Variants in NPHS1 observed in about 807,000 individuals in gnomAD.
NPHS1 encodes nephrin.
Under a neutral mutation model 139.7 loss-of-function variants are expected in NPHS1, and 107 were observed. That is an observed-to-expected ratio of 0.77 (90% CI 0.66 to 0.90). The LOEUF is 0.90. Ranked by LOEUF, NPHS1 falls within the 40% of genes least tolerant of loss-of-function variation. The pLI, the probability that NPHS1 is intolerant of heterozygous loss-of-function variation, is 0.00. For synonymous variants in NPHS1, 707 were observed against 706.6 expected (o/e 1.00, Z -0.01); for missense variants, 1,580 against 1,654.2 (o/e 0.96, Z 0.78).
rs1364227990 is a variant in NPHS1 at position 35,845,992 on chromosome 19, C to T, written c.1627+16G>A. The T allele has an allele frequency of 6.4e-7, 1 of 1,562,462 alleles. No individual in the cohort carries two copies. The highest frequency in any genetic ancestry group is 8.7e-7 in the Non-Finnish European group (1 of 1,153,348). Reference sequence around the variant, plus strand: ...CTCCCGCCCCGCCCCCGGGCCTCAGCAGTGCGAGCCCTCACACTGCACCGC... The same window carrying T: ...CTCCCGCCCCGCCCCCGGGCCTCAGTAGTGCGAGCCCTCACACTGCACCGC... On this transcript the variant is annotated intron_variant, in intron 12 of 28. Transcript: ENST00000378910. The surrounding 1 kb of genome is among the most constrained non-coding windows in gnomAD (Gnocchi z 5.5).
In NPHS1 at chr19:35,845,427, CG is replaced by C; in HGVS notation, c.1870del (p.Arg624AlafsTer11). 6.2e-7 allele frequency: 1 copy of C among 1,614,214 alleles called. No homozygotes were observed. Among genetic ancestry groups the C allele is most frequent in the Non-Finnish European group, 8.5e-7 (1 of 1,180,036 alleles). On this transcript the variant is annotated frameshift_variant, in exon 14 of 29. Coordinates refer to ENST00000378910, the MANE Select transcript of NPHS1 (RefSeq NM_004646.4). LOFTEE classifies it high-confidence loss of function. This position sits in a 1 kb window ranked among gnomAD's most constrained non-coding sequence, Gnocchi z 5.5. ...SRDHGQRVTC[R>X]AHSAELRETV... ...TTCGCGGAGCTCGGCGCTGTGGGCG[CG>C]GCAGGTCACGCGCTGGCCATGATCG...
Position 35,851,581 on chromosome 19 carries a change from C to G in NPHS1, c.150G>C (p.Glu50Asp), listed in dbSNP as rs760073893. 3.1e-6 allele frequency: 5 copies of G among 1,614,018 alleles called. No individual in the cohort carries two copies. In the East Asian group the frequency reaches 1.1e-4, roughly 36 times the overall value. The change falls in exon 2 of 29, where the codon GAG becomes GAC. Residue 50 changes from glutamate (E) to aspartate (D), a missense_variant. By Grantham distance (45) the Glu-to-Asp change is conservative (BLOSUM62 2). Coordinates refer to ENST00000378910, the MANE Select transcript of NPHS1 (RefSeq NM_004646.4). ...CAGGGGTGCTGACCCCACAACGCAG[C>G]TCCACTGAGGCCCCCTCCACCACCG... ...NLTVVEGASVELRCGVSTPGS... is the reference protein window; with the variant it reads ...NLTVVEGASVDLRCGVSTPGS...
Position 35,849,143 on chromosome 19 carries a change from C to T in NPHS1, c.845G>A (p.Gly282Asp). ...GCCCCACGCTGTGGACACCGGCTGG[C>T]CATTCTGGAGACAGGGACAGGCCTG... ...PLATLQWLKN[G>D]QPVSTAWGTE... The change falls in exon 8 of 29, where the codon GGC (glycine) becomes GAC (aspartate). Residue 282 changes from glycine to aspartate, a missense_variant. Coordinates refer to ENST00000378910, the MANE Select transcript of NPHS1 (RefSeq NM_004646.4). 1 of 1,610,528 alleles carries T rather than the reference C, an allele frequency of 6.2e-7. No homozygotes were observed. Among genetic ancestry groups the T allele is most frequent in the Non-Finnish European group, 8.5e-7 (1 of 1,180,016 alleles).
At position 35,848,334 on chromosome 19, in the gene NPHS1, C is replaced by A. The variant is rs142008044; in HGVS notation, c.1234G>T (p.Gly412Cys). The A allele has an allele frequency of 6.2e-7, 1 of 1,614,056 alleles. No homozygotes were observed. Among genetic ancestry groups the A allele is most frequent in the Non-Finnish European group, 8.5e-7 (1 of 1,179,992 alleles). The change falls in exon 10 of 29, where the codon GGT becomes TGT. Residue 412 changes from glycine (G) to cysteine (C), a missense_variant. By Grantham distance (159) the Gly-to-Cys change is radical. Coordinates refer to ENST00000378910, the MANE Select transcript of NPHS1 (RefSeq NM_004646.4). ...LTFLARREDN[G>C]LTLTCEAFSE... ...AAGGCCTCACATGTGAGGGTCAGAC[C>A]GTTGTCCTCCCGCCGCGCCAGGAAT...
chr19:35,845,348 T>A lies in NPHS1; in HGVS notation c.1930+20A>T, dbSNP rs771128885. 6.2e-7 allele frequency: 1 copy of A among 1,614,132 alleles called. No individual in the cohort carries two copies. The highest frequency in any genetic ancestry group is 2.2e-5 in the East Asian group (1 of 44,884). ...GGGTCAAGAAGGCATCGAGAGGGGC[T>A]TTCAGGCCGGGGCACATACACAGTA... On this transcript the variant is annotated intron_variant, in intron 14 of 28. Coordinates refer to ENST00000378910, the MANE Select transcript of NPHS1 (RefSeq NM_004646.4). This position sits in a 1 kb window ranked among gnomAD's most constrained non-coding sequence, Gnocchi z 5.5.
At chr19:35,850,340 G>C in intron 5 of NPHS1, 24 bp downstream of exon 5, 2 of 1,596,092 alleles carry the variant, frequency 1.3e-6, no homozygotes, top group Non-Finnish European at 1.7e-6. Context: ...GGTCAAGGTT[G>C]GGGGGTTGTT....
chr19:35,848,013 AC>A, intron 11 of NPHS1, 27 bp downstream of exon 11: 2 of 1,612,092 alleles, frequency 1.2e-6, no homozygotes, highest in Non-Finnish European at 8.5e-7. Context: ...ATTCCTGGCC[AC>A]CCCCATAGCC....
At position 35,849,247 on chromosome 19, in the gene NPHS1, G is replaced by T. The variant is rs752311438; in HGVS notation, c.829C>A (p.Gln277Lys). The change falls in exon 7 of 29, where the codon CAG becomes AAG. Residue 277 changes from glutamine to lysine, a missense_variant. Coordinates refer to ENST00000378910, the MANE Select transcript of NPHS1 (RefSeq NM_004646.4). Reference protein sequence around the residue: ...ARGGNPLATLQWLKNGQPVST... With the variant: ...ARGGNPLATLKWLKNGQPVST... The stretch of plus-strand genomic sequence containing the variant: ...GCGTTTGCCCTCACCTTCAGCCACT[G>T]CAGTGTGGCTAAGGGATTACCCCCT... 1 of 1,613,892 alleles carries T rather than the reference G, an allele frequency of 6.2e-7. No individual in the cohort carries two copies. The highest frequency in any genetic ancestry group is 1.1e-5 in the South Asian group (1 of 91,076).
rs200636330 is a variant in NPHS1 at position 35,831,416 on chromosome 19, C to T, written c.3312-45G>A. ...GGGGGAAGTTGAGTGCTGCCCCCCG[C>T]CACCAGTCTCCCCCAAACCTCCCTC... On this transcript the variant is annotated intron_variant, in intron 25 of 28. Transcript: ENST00000378910. The T allele has an allele frequency of 3.7e-6, 6 of 1,612,958 alleles. No individual in the cohort carries two copies. The East Asian group carries it at 6.7e-5, about 18-fold the overall frequency.
chr19:35,834,029 C>T (rs569068910), intron 23 of NPHS1, among the ~76,000 whole-genome samples: 64 of 152,214 alleles, frequency 4.2e-4, no homozygotes, highest in African/African-American at 1.5e-3. Context: ...GTTGACAAAA[C>T]AGCTGCATTT....
intron 22 of NPHS1, among the ~76,000 whole-genome samples, chr19:35,837,414 A>G (rs988096365): frequency 2.6e-5 from 4 of 152,080 alleles, no homozygotes; most frequent in Non-Finnish European, 5.9e-5. Context: ...TATTTGTCTT[A>G]ATCAGATTTA....
rs1270899107 is a variant in NPHS1, at chr19:35,850,364, C to G, written c.608G>C (p.Arg203Thr). 6.2e-7 allele frequency: 1 copy of G among 1,613,254 alleles called. No individual in the cohort carries two copies. Among genetic ancestry groups the G allele is most frequent in the African/African-American group, 1.3e-5 (1 of 74,902 alleles). ...TGGGGGGTTGTTTCAGTTTCCACACCTGGCTGTGGCCTCCACAGTGAAGAG... is the reference window on the plus strand; with the variant it reads ...TGGGGGGTTGTTTCAGTTTCCACACGTGGCTGTGGCCTCCACAGTGAAGAG... Reference protein sequence around the residue: ...QKLFTVEATARVTPRSSDNRQ... With the variant: ...QKLFTVEATATVTPRSSDNRQ... Residue 203 changes from arginine to threonine, a missense_variant and splice_region_variant, in exon 5 of 29, where the codon AGG becomes ACG. Transcript: ENST00000378910.
intron 28 of NPHS1, among the ~76,000 whole-genome samples, chr19:35,826,901 C>T (rs1248688359): frequency 6.6e-6 from 1 of 152,144 alleles, no homozygotes; most frequent in Non-Finnish European, 1.5e-5. Context: ...TTTGGGATGC[C>T]AAAGCAGGAG....
At chr19:35,849,915 ATTTG>A (rs1568456625) in intron 5 of NPHS1, among the ~76,000 whole-genome samples, 1 of 151,826 alleles carries the variant, frequency 6.6e-6, no homozygotes, top group African/African-American at 2.4e-5. Flanking sequence ...TTGTTTGTTT[ATTTG>A]TTTGTTTGTC....
Position 35,844,301 on chromosome 19 carries a change from C to T in NPHS1, c.2071+18G>A, listed in dbSNP as rs766190357. The T allele has an allele frequency of 2.5e-6, 4 of 1,614,026 alleles. No homozygotes were observed. Among genetic ancestry groups the T allele is most frequent in the Non-Finnish European group, 3.4e-6 (4 of 1,179,976 alleles). On this transcript the variant is annotated intron_variant, in intron 15 of 28. Transcript: ENST00000378910. ...ACCTCCCATCCCCGGGACCCCTCCC[C>T]ATGACCACTTCCCTCACCTGGACTG...
At chr19:35,831,972 G>T (rs1426831412) in intron 23 of NPHS1, among the ~76,000 whole-genome samples, 1 of 152,210 alleles carries the variant, frequency 6.6e-6, no homozygotes, top group Non-Finnish European at 1.5e-5. Context: ...TCCTCCGTTT[G>T]CTTGAACTCT....
chr19:35,831,511 C>T lies in NPHS1; in HGVS notation c.3287-11G>A, dbSNP rs1175331248. 5 of 1,613,826 alleles carry T rather than the reference C, an allele frequency of 3.1e-6. No individual in the cohort carries two copies. Among genetic ancestry groups the T allele is most frequent in the East Asian group, 4.5e-5 (2 of 44,866 alleles). ...TCTTCTCTGAGATGCCTGAAGGAAA[C>T]AGGAATAAAGGGCTCAGTGACCCTA... is the stretch of plus-strand genomic sequence containing the variant. On this transcript the variant is annotated splice_polypyrimidine_tract_variant and intron_variant, in intron 24 of 28. Transcript: ENST00000378910.
Position 35,831,139 on chromosome 19 carries a change from G to A in NPHS1, c.3395C>T (p.Thr1132Ile), listed in dbSNP as rs1260723568. ...GCGGTAATACGGCTCTGCCTCTGTT[G>A]TGCTGACCTGTTCCCCACACGCAAA... ...ERDTQSSTVS[T>I]TEAEPYYRSL... The change falls in exon 27 of 29, where the codon ACA (threonine) becomes ATA (isoleucine). Residue 1132 changes from threonine to isoleucine, a missense_variant. Thr to Ile is a moderately conservative substitution (Grantham distance 89). Coordinates refer to ENST00000378910, the MANE Select transcript of NPHS1 (RefSeq NM_004646.4). 2 of 1,613,864 alleles carry A rather than the reference G, an allele frequency of 1.2e-6. No individual in the cohort carries two copies. The highest frequency in any genetic ancestry group is 2.2e-5 in the East Asian group (1 of 44,876).
intron 28 of NPHS1, 111 bp downstream of exon 28, chr19:35,830,733 T>C: frequency 2.5e-6 from 2 of 791,266 alleles, no homozygotes; most frequent in Non-Finnish European, 2.3e-6. Context: ...CACTGGATCA[T>C]GGTCAGGCCT....
Sources: allele counts gnomAD v4.1 joint callset (sites outside exome capture counted in the v4.1 genomes callset), GRCh38; gene constraint gnomAD v4.1.1; non-coding constraint Gnocchi (gnomAD v3.1); transcripts MANE v1.5; gene names NCBI Gene and HGNC (gene_info 2026-07-23, HGNC 2026-07-21).